Variants in LCOR observed in about 807,000 individuals in gnomAD.
The protein encoded by LCOR is ligand dependent nuclear receptor corepressor, also known as ligand-dependent corepressor.
LCOR carries 14 observed loss-of-function variants against 64.4 expected under a neutral mutation model. The ratio of observed to expected loss-of-function variants is 0.22; its 90% CI spans 0.14 to 0.34. The LOEUF is 0.34. Ranked by LOEUF, LCOR falls within the 10% of genes least tolerant of loss-of-function variation. The pLI, the probability that LCOR is intolerant of heterozygous loss-of-function variation, is 1.00. For missense variants in LCOR, 1,686 were observed against 1,765.3 expected (o/e 0.96, Z 0.80); for synonymous variants, 643 against 642.5 (o/e 1.00, Z -0.01).
At chr10:96,902,423 TGAAAG>T (rs1846655867) in intron 2 of LCOR, among the ~76,000 whole-genome samples, 1 of 152,148 alleles carries the variant, frequency 6.6e-6, no homozygotes, top group African/African-American at 2.4e-5. Flanking sequence ...TCTCTAATAA[TGAAAG>T]GAATCACCAG....
intron 7 of LCOR, chr10:96,957,006 T>C (rs1847794315): frequency 2.6e-5 from 26 of 985,192 alleles, no homozygotes; most frequent in Non-Finnish European, 3.0e-5. Context: ...TCCACATTAA[T>C]GAAGGATCCA....
At chr10:96,908,811 G>C (rs957867811) in intron 4 of LCOR, among the ~76,000 whole-genome samples, 1 of 152,012 alleles carries the variant, frequency 6.6e-6, no homozygotes. Context: ...CCCCCTCCGG[G>C]TTTACGCCAT....
chr10:96,904,128 G>C (rs1378310166), intron 2 of LCOR, among the ~76,000 whole-genome samples: 2 of 152,186 alleles, frequency 1.3e-5, no homozygotes, highest in Non-Finnish European at 2.9e-5. Context: ...AGGTAACATG[G>C]CAGCTCAACA....
At chr10:96,960,311 A>G (rs1357779122) in intron 7 of LCOR, 3 of 152,230 alleles carry the variant, frequency 2.0e-5, no homozygotes, top group African/African-American at 4.8e-5. Context: ...ATTTATTTTC[A>G]TAAGACAAAT....
intron 2 of LCOR, among the ~76,000 whole-genome samples, chr10:96,843,197 T>C (rs939000657): frequency 1.3e-5 from 2 of 152,182 alleles, no homozygotes; most frequent in Non-Finnish European, 2.9e-5. Context: ...TGATCATAGC[T>C]CACTGTAAAC....
chr10:96,834,295 G>C (rs1326961079), intron 2 of LCOR, among the ~76,000 whole-genome samples: 1 of 152,134 alleles, frequency 6.6e-6, no homozygotes, highest in African/African-American at 2.4e-5. Flanking sequence ...AATAATAAAG[G>C]CATGAGTCAG....
chr10:96,973,454 G>A (rs540448658), intron 7 of LCOR, among the ~76,000 whole-genome samples: 5 of 152,172 alleles, frequency 3.3e-5, no homozygotes, highest in Non-Finnish European at 7.3e-5. Flanking sequence ...AAATTTCTCC[G>A]TGTAGAGCAA....
chr10:96,948,846 AAT>A (rs1847629391), intron 5 of LCOR, among the ~76,000 whole-genome samples, 160 bp from the exon 6 acceptor site: 2 of 152,160 alleles, frequency 1.3e-5, no homozygotes, highest in South Asian at 4.1e-4. Flanking sequence ...TATTTTTAAA[AAT>A]AGACAACTCA....
chr10:96,914,576 G>A (rs1011602462), intron 4 of LCOR, among the ~76,000 whole-genome samples: 5 of 152,152 alleles, frequency 3.3e-5, no homozygotes, highest in African/African-American at 1.2e-4. Flanking sequence ...AGATACTTTC[G>A]ATAAACAATT....
chr10:96,899,530 TTC>T (rs1468746223), intron 2 of LCOR, among the ~76,000 whole-genome samples: 2 of 152,112 alleles, frequency 1.3e-5, no homozygotes, highest in East Asian at 3.8e-4. Flanking sequence ...TAAAACCTGG[TTC>T]TCTCTAAATA....
intron 2 of LCOR, among the ~76,000 whole-genome samples, chr10:96,874,666 T>C (rs1411788627): frequency 1.3e-5 from 2 of 151,860 alleles, no homozygotes; most frequent in Non-Finnish European, 2.9e-5. Context: ...AGACAGAGTT[T>C]CGCTCTTGTT....
At chr10:96,958,215 A>G in intron 7 of LCOR, 1 of 1,299,552 alleles carries the variant, frequency 7.7e-7, no homozygotes, top group Non-Finnish European at 9.8e-7. Flanking sequence ...ATCCCCTCTC[A>G]GAAAGACATC....
At chr10:96,832,480 G>A (rs1845352853) in intron 1 of LCOR, 81 bp downstream of exon 1, 1 of 436,772 alleles carries the variant, frequency 2.3e-6, no homozygotes, top group African/African-American at 2.2e-5. Context: ...AGCTGGGGAA[G>A]TGGCAATTGC....
chr10:96,943,363 C>T (rs868480452), intron 4 of LCOR, among the ~76,000 whole-genome samples: 5 of 152,222 alleles, frequency 3.3e-5, no homozygotes, highest in African/African-American at 1.2e-4. Context: ...TCCCTAAGTG[C>T]TGGGATTACA....
intron 7 of LCOR, among the ~76,000 whole-genome samples, chr10:96,954,458 G>T (rs1335403592): frequency 1.3e-5 from 2 of 148,946 alleles, no homozygotes; most frequent in Non-Finnish European, 3.0e-5. Flanking sequence ...ATGGGTTCCA[G>T]TAATGTATAT....
intron 1 of LCOR, chr10:96,832,937 C>T: frequency 1.0e-6 from 1 of 961,468 alleles, no homozygotes; most frequent in Non-Finnish European, 1.2e-6. Context: ...TGCAGGCGGG[C>T]GCCCGGCGCT....
At chr10:96,940,053 G>C (rs1241990353) in intron 4 of LCOR, among the ~76,000 whole-genome samples, 1 of 152,204 alleles carries the variant, frequency 6.6e-6, no homozygotes, top group East Asian at 1.9e-4. Context: ...AACATCATTA[G>C]TCAATTAGAA....
At chr10:96,860,436 G>T (rs543525589) in intron 2 of LCOR, among the ~76,000 whole-genome samples, 5 of 152,190 alleles carry the variant, frequency 3.3e-5, no homozygotes, top group Non-Finnish European at 7.4e-5. Flanking sequence ...GCCAAGGATT[G>T]CTGGCAACCA....
chr10:96,968,041 A>G (rs1193937320), intron 7 of LCOR, among the ~76,000 whole-genome samples: 5 of 152,194 alleles, frequency 3.3e-5, no homozygotes, highest in African/African-American at 1.2e-4. Context: ...AATGTTCCAC[A>G]GGAAGTTTTT....
Sources: allele counts gnomAD v4.1 joint callset (sites outside exome capture counted in the v4.1 genomes callset), GRCh38; gene constraint gnomAD v4.1.1; transcripts MANE v1.5; gene names NCBI Gene and HGNC (gene_info 2026-07-23, HGNC 2026-07-21).